The following TAFA2 variants were observed in gnomAD, a reference collection of about 807,000 sequenced individuals.
TAFA2 encodes TAFA chemokine like family member 2.
A neutral mutation model predicts 18.8 loss-of-function variants in TAFA2; 7 were observed. The ratio of observed to expected loss-of-function variants is 0.37; its 90% CI spans 0.21 to 0.70. The LOEUF is 0.70. Ranked by LOEUF, TAFA2 falls within the 30% of genes least tolerant of loss-of-function variation. The pLI, the probability that TAFA2 is intolerant of heterozygous loss-of-function variation, is 0.53. For missense variants in TAFA2, 122 were observed against 158.1 expected (o/e 0.77, Z 1.23); for synonymous variants, 60 against 54.2 (o/e 1.11, Z -0.47).
intron 1 of TAFA2, among the ~76,000 whole-genome samples, chr12:62,122,964 A>G (rs1870266765): frequency 6.6e-6 from 1 of 152,028 alleles, no homozygotes; most frequent in Admixed American, 6.6e-5. Flanking sequence ...CATGCATAAA[A>G]CCAGTCATCA....
Position 61,714,358 on chromosome 12 carries a change from A to T in TAFA2, c.385-3941T>A, listed in dbSNP as rs529989448. Among the ~76,000 whole-genome samples the T allele has an allele frequency of 2.6e-5, 4 of 152,320 alleles. No individual in the cohort carries two copies. The East Asian group carries it at 7.7e-4, about 29-fold the overall frequency. Reference sequence around the variant, plus strand: ...AAGTGAAACTACTGGGCTGCTGAACACATATAAAATGCAGAAATAATAATA... The same window carrying T: ...AAGTGAAACTACTGGGCTGCTGAACTCATATAAAATGCAGAAATAATAATA... On this transcript the variant is annotated intron_variant, in intron 4 of 4. Coordinates refer to ENST00000416284, the MANE Select transcript of TAFA2 (RefSeq NM_178539.5).
chr12:61,887,961 CA>C (rs951337127), intron 1 of TAFA2, among the ~76,000 whole-genome samples: 2 of 151,560 alleles, frequency 1.3e-5, no homozygotes, highest in Non-Finnish European at 2.9e-5. Context: ...TTTATGCAGC[CA>C]AAAAACACAT....
chr12:62,228,624 T>C (rs1236535394), intron 1 of TAFA2, among the ~76,000 whole-genome samples: 1 of 152,216 alleles, frequency 6.6e-6, no homozygotes, highest in Non-Finnish European at 1.5e-5. Flanking sequence ...GATTTGCACC[T>C]CTCTGATTAT....
upstream of TAFA2, chr12:62,259,997 C>A (rs934299807): frequency 5.0e-6 from 1 of 199,110 alleles, no homozygotes; most frequent in Non-Finnish European, 1.1e-5. Flanking sequence ...CCCACACCAC[C>A]GCCCCACCCT....
At chr12:61,979,481 C>T (rs1879554518) in intron 1 of TAFA2, among the ~76,000 whole-genome samples, 1 of 152,004 alleles carries the variant, frequency 6.6e-6, no homozygotes, top group African/African-American at 2.4e-5. Context: ...ATCTACTGCA[C>T]CATCATTTCA....
At chr12:61,841,305 T>C (rs1051024961) in intron 2 of TAFA2, among the ~76,000 whole-genome samples, 1 of 152,060 alleles carries the variant, frequency 6.6e-6, no homozygotes, top group African/African-American at 2.4e-5. Context: ...CAAAATAAGG[T>C]ATTTGGGAAT....
intron 1 of TAFA2, among the ~76,000 whole-genome samples, chr12:61,885,971 T>C (rs1875358572): frequency 6.6e-6 from 1 of 152,068 alleles, no homozygotes; most frequent in African/African-American, 2.4e-5. Context: ...CTATCTTCAC[T>C]CCATCACAAG....
At chr12:61,990,478 T>C (rs1294683460) in intron 1 of TAFA2, among the ~76,000 whole-genome samples, 1 of 151,668 alleles carries the variant, frequency 6.6e-6, no homozygotes, top group Non-Finnish European at 1.5e-5. Flanking sequence ...TAGCTGGGAC[T>C]ACAGGTGCCC....
chr12:61,981,288 C>T (rs144555644), intron 1 of TAFA2, among the ~76,000 whole-genome samples: 3,400 of 152,280 alleles, frequency 0.022, 138 homozygotes, highest in Admixed American at 0.094. Flanking sequence ...CCCTTCCTTA[C>T]GCCTTATACA....
At chr12:61,943,448 T>C (rs1878124419) in intron 1 of TAFA2, among the ~76,000 whole-genome samples, 2 of 147,254 alleles carry the variant, frequency 1.4e-5, no homozygotes, top group Non-Finnish European at 3.0e-5. Context: ...AATTCACACA[T>C]AACAATATTA....
At position 62,228,188 on chromosome 12, in the gene TAFA2, C is replaced by T. The variant is rs1293551644; in HGVS notation, c.-130+30575G>A. Among the ~76,000 whole-genome samples, 4 of 152,226 alleles carry T rather than the reference C, an allele frequency of 2.6e-5. No homozygotes were observed. The East Asian group carries it at 7.7e-4, about 29-fold the overall frequency. On this transcript the variant is annotated intron_variant, in intron 1 of 5. Transcript: ENST00000551619. ...TTTTCAACCCTTTCCCTCTTCCTCC[C>T]TCCCCACACTTGGAATCCTTCGTGT...
Position 62,120,574 on chromosome 12 carries a change from A to T in TAFA2, c.-2+70685T>A, listed in dbSNP as rs181785464. ...AGAAAGTAAGAAATAGTCTTTCCAA[A>T]CTCTTCCTTCGTGTGGTATGTACAG... is the stretch of plus-strand genomic sequence containing the variant. On this transcript the variant is annotated intron_variant, in intron 1 of 4. Coordinates refer to ENST00000416284, the MANE Select transcript of TAFA2 (RefSeq NM_178539.5). 3.8e-3 allele frequency among the ~76,000 whole-genome samples: 584 copies of T among 151,780 alleles called. 2 individuals carry two copies. The highest frequency in any genetic ancestry group is 6.8e-3 in the Middle Eastern group (2 of 294).
intron 2 of TAFA2, among the ~76,000 whole-genome samples, chr12:61,831,496 T>C (rs1427807123): frequency 1.3e-5 from 2 of 152,002 alleles, no homozygotes; most frequent in African/African-American, 4.8e-5. Context: ...AATCCACCAA[T>C]TTTCTTCTCC....
intron 4 of TAFA2, among the ~76,000 whole-genome samples, chr12:61,741,361 A>ACG (rs1294403848): frequency 2.0e-5 from 3 of 151,646 alleles, no homozygotes; most frequent in Admixed American, 6.6e-5. Context: ...ATACACACAC[A>ACG]CACATATATA....
Position 62,199,147 on chromosome 12 carries a change from T to C in TAFA2, c.-130+59616A>G, listed in dbSNP as rs963069743. 5.9e-5 allele frequency among the ~76,000 whole-genome samples: 9 copies of C among 152,338 alleles called. No homozygotes were observed. In the South Asian group the frequency reaches 1.7e-3, roughly 28 times the overall value. On this transcript the variant is annotated intron_variant, in intron 1 of 5. Coordinates refer to the TAFA2 transcript ENST00000551619. ...CCGTCATTATCTGACAATTGGCTGA[T>C]TGTAAGCTGGAGTACTGGGGATAAG...
chr12:61,958,137 C>G (rs534114841), intron 1 of TAFA2, among the ~76,000 whole-genome samples: 1 of 152,170 alleles, frequency 6.6e-6, no homozygotes, highest in South Asian at 2.1e-4. Flanking sequence ...ACAGAATTTA[C>G]TTTTCATTGT....
chr12:61,868,545 CCT>C (rs1217025497), intron 1 of TAFA2, among the ~76,000 whole-genome samples: 4 of 152,044 alleles, frequency 2.6e-5, no homozygotes, highest in Non-Finnish European at 5.9e-5. Context: ...GATTCCTTTT[CCT>C]CTTGTATTTT....
At chr12:61,928,716 G>T (rs1201260638) in intron 1 of TAFA2, among the ~76,000 whole-genome samples, 2 of 152,122 alleles carry the variant, frequency 1.3e-5, no homozygotes, top group African/African-American at 4.8e-5. Context: ...ACATGCACAT[G>T]TATGTTTATT....
chr12:62,086,800 G>T (rs1216977138), intron 1 of TAFA2, among the ~76,000 whole-genome samples: 1 of 152,116 alleles, frequency 6.6e-6, no homozygotes. Context: ...AACCAAGAGA[G>T]TTGGGAGCAA....
Sources: gnomAD v4.1 joint callset for allele counts (sites outside exome capture counted in the v4.1 genomes callset) on GRCh38, gnomAD v4.1.1 for gene constraint, MANE v1.5 for transcripts, NCBI Gene and HGNC (gene_info 2026-07-23, HGNC 2026-07-21) for gene names.